Variants in SLC44A1 observed in about 807,000 individuals in gnomAD.
The protein encoded by SLC44A1 is choline transporter-like protein 1.
Under a neutral mutation model 79.3 loss-of-function variants are expected in SLC44A1, and 26 were observed. The ratio of observed to expected loss-of-function variants is 0.33; its 90% CI spans 0.24 to 0.46. The LOEUF (loss-of-function observed/expected upper bound fraction) is 0.46, where lower values mean the gene tolerates loss of function less well. Among genes scored for constraint, SLC44A1 ranks in the 20% least tolerant of loss-of-function variants. The pLI is 1.00. For synonymous variants in SLC44A1, 263 were observed against 286.2 expected (o/e 0.92, Z 0.82); for missense variants, 688 against 798.1 (o/e 0.86, Z 1.66).
At chr9:105,326,629 C>A (rs568724043) in intron 3 of SLC44A1, among the ~76,000 whole-genome samples, 17 of 152,086 alleles carry the variant, frequency 1.1e-4, no homozygotes, top group Non-Finnish European at 2.2e-4. Context: ...ACAATCTATT[C>A]GAAACTATGA....
At chr9:105,273,965 G>A (rs328014) in intron 1 of SLC44A1, among the ~76,000 whole-genome samples, 35,070 of 151,978 alleles carry the variant, frequency 0.23, 7,603 homozygotes, top group African/African-American at 0.57. Flanking sequence ...GTTAATGAAT[G>A]TGATAGTTCT....
chr9:105,378,071 A>G (rs1828349478), intron 13 of SLC44A1, among the ~76,000 whole-genome samples: 1 of 152,186 alleles, frequency 6.6e-6, no homozygotes, highest in African/African-American at 2.4e-5. Context: ...AACATGGGGA[A>G]ACCCCGTCTC....
rs375120550 is a variant in SLC44A1 at position 105,413,891 on chromosome 9, T to C, written c.1951-24390T>C. ...AGAGGCTGGGTGGTACTTTTGCAGC[T>C]GGGATGTTGTAAAGCAGTATTGAGC... On this transcript the variant is annotated intron_variant, in intron 15 of 15. Coordinates refer to the SLC44A1 transcript ENST00000374724. Among the ~76,000 whole-genome samples the C allele has an allele frequency of 5.3e-5, 8 of 150,828 alleles. No homozygotes were observed. In the East Asian group the frequency reaches 7.8e-4, roughly 15 times the overall value.
chr9:105,395,511 G>A lies in SLC44A1; in HGVS notation c.*6455G>A, dbSNP rs1455606563. The A allele has an allele frequency of 5.1e-6, 5 of 985,002 alleles. No individual in the cohort carries two copies. Among genetic ancestry groups the A allele is most frequent in the Admixed American group, 6.1e-5 (1 of 16,264 alleles). The allele number at this position is 985,002 out of a possible 1,614,324, so 61.0% of individuals were successfully genotyped here. ...TGGGATTACAGGCATGAGCCACCGC[G>A]CCCGGCCTAGAAGAGTTTTAATGAA... On this transcript the variant is annotated 3_prime_UTR_variant, in exon 16 of 16. Transcript: ENST00000374720.
intron 15 of SLC44A1, among the ~76,000 whole-genome samples, chr9:105,387,777 A>G (rs1350678985): frequency 2.0e-5 from 3 of 152,122 alleles, no homozygotes. Context: ...TCTTTAATGA[A>G]TGGTAGATGA....
chr9:105,265,400 C>T (rs1301163812), intron 1 of SLC44A1, among the ~76,000 whole-genome samples: 1 of 152,094 alleles, frequency 6.6e-6, no homozygotes, highest in East Asian at 1.9e-4. Context: ...TATTGTAAAC[C>T]TTTTGAGTTT....
At chr9:105,343,660 A>C (rs1424041222) in intron 4 of SLC44A1, among the ~76,000 whole-genome samples, 1 of 152,224 alleles carries the variant, frequency 6.6e-6, no homozygotes, top group African/African-American at 2.4e-5. Flanking sequence ...TGGTTGTTTA[A>C]AAAGAAGGAA....
At chr9:105,434,926 C>G (rs1829444413) in intron 15 of SLC44A1, among the ~76,000 whole-genome samples, 1 of 152,214 alleles carries the variant, frequency 6.6e-6, no homozygotes, top group South Asian at 2.1e-4. Flanking sequence ...AGGCGGATTG[C>G]TTGAGCCCAG....
At chr9:105,403,628 G>C (rs1284716429) in intron 15 of SLC44A1, among the ~76,000 whole-genome samples, 1 of 148,492 alleles carries the variant, frequency 6.7e-6, no homozygotes, top group Non-Finnish European at 1.5e-5. Context: ...AAAGGAGTAA[G>C]CAGATGATTG....
At chr9:105,257,143 C>CTGGA (rs1241833118) in intron 1 of SLC44A1, among the ~76,000 whole-genome samples, 1 of 151,304 alleles carries the variant, frequency 6.6e-6, no homozygotes, top group Non-Finnish European at 1.5e-5. Context: ...GTTGCCCATA[C>CTGGA]TGGAGTACAG....
chr9:105,303,580 T>C (rs1830936655), intron 2 of SLC44A1, among the ~76,000 whole-genome samples: 1 of 152,158 alleles, frequency 6.6e-6, no homozygotes. Flanking sequence ...CTCAAGGACG[T>C]ATACATTGTT....
intron 1 of SLC44A1, among the ~76,000 whole-genome samples, chr9:105,253,246 G>A (rs2131197764): frequency 1.3e-5 from 2 of 152,226 alleles, no homozygotes; most frequent in Middle Eastern, 3.4e-3. Context: ...TTCTGGATAT[G>A]TTTATAATAT....
At chr9:105,427,013 C>T (rs1310329506) in intron 15 of SLC44A1, among the ~76,000 whole-genome samples, 2 of 151,816 alleles carry the variant, frequency 1.3e-5, no homozygotes, top group Non-Finnish European at 2.9e-5. Flanking sequence ...ATGGCTCCCT[C>T]CAACCTCCGC....
In SLC44A1 at chr9:105,383,183, T is replaced by C. The variant is rs1564041320; in HGVS notation, c.1693T>C (p.Tyr565His). Residue 565 changes from tyrosine to histidine, a missense_variant, in exon 14 of 16, where the codon TAC becomes CAC. Coordinates refer to ENST00000374720, the MANE Select transcript of SLC44A1 (RefSeq NM_080546.5). ...TATGCTGCTCAACTACCAGCAGGAC[T>C]ACACAGTATGGGTGCTGCCTCTGAT... ...GIMLLNYQQD[Y>H]TVWVLPLIIV... is the part of the protein sequence containing the mutation. 6.2e-7 allele frequency: 1 copy of C among 1,614,222 alleles called. No individual in the cohort carries two copies. Among genetic ancestry groups the C allele is most frequent in the East Asian group, 2.2e-5 (1 of 44,880 alleles).
At chr9:105,286,458 T>G (rs373565794) in intron 1 of SLC44A1, among the ~76,000 whole-genome samples, 2 of 152,256 alleles carry the variant, frequency 1.3e-5, no homozygotes, top group African/African-American at 4.8e-5. Context: ...AAATGGCACA[T>G]GGAATATGCT....
At chr9:105,362,464 A>G (rs1330702033) in intron 8 of SLC44A1, among the ~76,000 whole-genome samples, 2 of 152,200 alleles carry the variant, frequency 1.3e-5, no homozygotes, top group Non-Finnish European at 1.5e-5. Context: ...AATAAGGAAG[A>G]TACAAATAAA....
chr9:105,297,404 A>G (rs567872496), intron 1 of SLC44A1, among the ~76,000 whole-genome samples: 185 of 152,128 alleles, frequency 1.2e-3, no homozygotes, highest in African/African-American at 4.3e-3. Flanking sequence ...TGTTTTTGAG[A>G]TGGAGTTGCG....
chr9:105,416,826 G>A (rs1465958864), intron 15 of SLC44A1, among the ~76,000 whole-genome samples: 2 of 152,156 alleles, frequency 1.3e-5, no homozygotes, highest in African/African-American at 2.4e-5. Context: ...CAGGTTGTTT[G>A]TCCCACTTGA....
At chr9:105,273,997 C>T (rs1335786326) in intron 1 of SLC44A1, among the ~76,000 whole-genome samples, 4 of 152,058 alleles carry the variant, frequency 2.6e-5, no homozygotes, top group Non-Finnish European at 5.9e-5. Context: ...TTTCTTTATG[C>T]ATATAAATAT....
Sources: gnomAD v4.1 joint callset for allele counts (sites outside exome capture counted in the v4.1 genomes callset) on GRCh38, gnomAD v4.1.1 for gene constraint, MANE v1.5 for transcripts, NCBI Gene and HGNC (gene_info 2026-07-23, HGNC 2026-07-21) for gene names.